SEMA6D: variants seen among roughly 807,000 people sequenced by gnomAD.
SEMA6D encodes semaphorin-6D.
A neutral mutation model predicts 106.6 loss-of-function variants in SEMA6D; 35 were observed. The ratio of observed to expected loss-of-function variants is 0.33; its 90% confidence interval spans 0.25 to 0.44. The LOEUF (loss-of-function observed/expected upper bound fraction) is 0.44. SEMA6D is among the 20% of genes least tolerant of loss of function. The probability of loss-of-function intolerance (pLI) is 1.00; values close to 1 mark genes in which losing one functional copy is unlikely to be tolerated. For synonymous variants in SEMA6D, 499 were observed against 487.7 expected, an observed-to-expected ratio of 1.02 and a Z score of -0.31; for missense variants, 1,185 against 1,345.9, an observed-to-expected ratio of 0.88 and a Z score of 1.87.
At chr15:47,430,468 T>G (rs573109839) in intron 2 of SEMA6D, among the ~76,000 whole-genome samples, 138 of 152,050 alleles carry the variant, frequency 9.1e-4, no homozygotes, top group African/African-American at 3.2e-3. Flanking sequence ...TTGTGCTTCC[T>G]CAAAAATAAA....
intron 4 of SEMA6D, among the ~76,000 whole-genome samples, chr15:47,656,056 A>G (rs534981638): frequency 3.9e-5 from 6 of 152,364 alleles, no homozygotes; most frequent in Non-Finnish European, 7.3e-5. Context: ...GCTCCCAACC[A>G]TAATGCTGAC....
intron 1 of SEMA6D, among the ~76,000 whole-genome samples, chr15:47,273,994 G>C (rs1268017359): frequency 6.6e-6 from 1 of 152,080 alleles, no homozygotes; most frequent in East Asian, 1.9e-4. Flanking sequence ...GAAATGTACT[G>C]ACCTCTTTGT....
intron 3 of SEMA6D, among the ~76,000 whole-genome samples, chr15:47,552,865 T>TA (rs1491487031): frequency 4.7e-5 from 3 of 63,354 alleles, no homozygotes; most frequent in African/African-American, 2.7e-4. Flanking sequence ...TATATATATA[T>TA]TTTTATATAT....
At chr15:47,719,050 T>C (rs1171323126) in intron 1 of SEMA6D, among the ~76,000 whole-genome samples, 1 of 152,098 alleles carries the variant, frequency 6.6e-6, no homozygotes, top group Non-Finnish European at 1.5e-5. Context: ...TGCACGAGAA[T>C]TGGGTTTGAA....
At chr15:47,184,794 G>T (rs923280819) in intron 1 of SEMA6D, among the ~76,000 whole-genome samples, 1 of 152,222 alleles carries the variant, frequency 6.6e-6, no homozygotes, top group Non-Finnish European at 1.5e-5. Context: ...CCGCGGACTC[G>T]GGCGCAAGTG....
At chr15:47,650,236 C>A (rs1158926394) in intron 4 of SEMA6D, among the ~76,000 whole-genome samples, 1 of 152,150 alleles carries the variant, frequency 6.6e-6, no homozygotes, top group Admixed American at 6.5e-5. Flanking sequence ...AAAACCTAGT[C>A]CATAAAAGCT....
intron 4 of SEMA6D, among the ~76,000 whole-genome samples, chr15:47,614,055 A>C (rs985671296): frequency 6.6e-6 from 1 of 152,240 alleles, no homozygotes; most frequent in Non-Finnish European, 1.5e-5. Flanking sequence ...TTTTATATCC[A>C]GTTCTAATTC....
At chr15:47,446,967 G>A (rs901211375) in intron 2 of SEMA6D, among the ~76,000 whole-genome samples, 5 of 152,174 alleles carry the variant, frequency 3.3e-5, no homozygotes, top group East Asian at 1.9e-4. Context: ...GACAACATCC[G>A]GAAATCACGA....
intron 3 of SEMA6D, among the ~76,000 whole-genome samples, chr15:47,555,213 T>G (rs1566885751): frequency 6.6e-6 from 1 of 152,070 alleles, no homozygotes; most frequent in Non-Finnish European, 1.5e-5. Context: ...AGAGCCCAGA[T>G]GTACCCCTTT....
upstream of SEMA6D, among the ~76,000 whole-genome samples, chr15:47,712,834 G>A (rs971207908): frequency 7.2e-5 from 11 of 152,092 alleles, no homozygotes; most frequent in Non-Finnish European, 1.3e-4. Flanking sequence ...CTTTCTTTTT[G>A]TTGGGATATA....
At position 47,617,378 on chromosome 15, in the gene SEMA6D, A is replaced by G. The variant is rs549200796; in HGVS notation, c.-55+16482A>G. Among the ~76,000 whole-genome samples the G allele has an allele frequency of 1.1e-4, 16 of 152,318 alleles. No individual in the cohort carries two copies. In the South Asian group the frequency reaches 3.1e-3, roughly 30 times the overall value. ...GTTGCTAATGGGACAAAGTTTTACT[A>G]TGTCTTCCATGATGAAATTCAACCT... On this transcript the variant is annotated intron_variant, in intron 4 of 19. Transcript: ENST00000558014.
At chr15:47,760,028 A>G in intron 2 of SEMA6D, 121 bp downstream of exon 2, 2 of 771,940 alleles carry the variant, frequency 2.6e-6, no homozygotes, top group Admixed American at 2.6e-5. Context: ...TTGAATTTGC[A>G]TCTGAGTTTA....
intron 3 of SEMA6D, among the ~76,000 whole-genome samples, chr15:47,529,603 TAAA>T (rs67339779): frequency 2.2e-5 from 3 of 135,756 alleles, no homozygotes. Context: ...TCTGTAGCAC[TAAA>T]AAAAAAAAAA....
intron 1 of SEMA6D, among the ~76,000 whole-genome samples, chr15:47,298,623 ACT>A (rs2142973122): frequency 6.6e-6 from 1 of 152,018 alleles, no homozygotes; most frequent in South Asian, 2.1e-4. Flanking sequence ...TGCTCCATCA[ACT>A]CTGTTTTCAC....
intron 1 of SEMA6D, among the ~76,000 whole-genome samples, chr15:47,354,274 TTA>T: frequency 7.3e-6 from 1 of 137,672 alleles, no homozygotes; most frequent in African/African-American, 2.9e-5. Flanking sequence ...ATGACAAGAA[TTA>T]TATATATATA....
intron 1 of SEMA6D, among the ~76,000 whole-genome samples, chr15:47,206,423 A>G (rs1482246060): frequency 1.3e-5 from 2 of 152,202 alleles, no homozygotes; most frequent in Non-Finnish European, 1.5e-5. Context: ...AGGCAGAGCC[A>G]GGATTAGCAT....
At chr15:47,685,853 C>T (rs1035153465) in intron 4 of SEMA6D, among the ~76,000 whole-genome samples, 3 of 152,112 alleles carry the variant, frequency 2.0e-5, no homozygotes, top group Non-Finnish European at 2.9e-5. Flanking sequence ...GGCTTTGTAT[C>T]GCCTCTAGAC....
chr15:47,235,378 T>TG (rs2032473657), intron 1 of SEMA6D, among the ~76,000 whole-genome samples: 1 of 152,064 alleles, frequency 6.6e-6, no homozygotes, highest in Non-Finnish European at 1.5e-5. Flanking sequence ...CATTTGCTTT[T>TG]GGGGTCTTAG....
At chr15:47,492,474 G>T (rs190676940) in intron 3 of SEMA6D, among the ~76,000 whole-genome samples, 5 of 152,200 alleles carry the variant, frequency 3.3e-5, no homozygotes, top group Admixed American at 2.6e-4. Flanking sequence ...TTGAACATTT[G>T]ATCTTTAGCC....
Sources: gnomAD v4.1 joint callset for allele counts (sites outside exome capture counted in the v4.1 genomes callset) on GRCh38, gnomAD v4.1.1 for gene constraint, MANE v1.5 for transcripts, NCBI Gene and HGNC (gene_info 2026-07-23, HGNC 2026-07-21) for gene names.